The following PARD3B variants were observed in gnomAD, a reference collection of about 807,000 sequenced individuals.
PARD3B encodes partitioning defective 3 homolog B.
In PARD3B, 103 loss-of-function variants were observed where a neutral mutation model predicts 130.2. The observed-to-expected ratio is 0.79, with a 90% CI of 0.67 to 0.93. PARD3B has a LOEUF of 0.93. Among genes scored for constraint, PARD3B ranks in the 40% least tolerant of loss-of-function variants. PARD3B has a pLI of 0.00. For synonymous variants in PARD3B, 583 were observed against 553.2 expected (o/e 1.05, Z -0.76); for missense variants, 1,609 against 1,499.2 (o/e 1.07, Z -1.21).
chr2:205,480,920 G>A (rs750924295), intron 20 of PARD3B, among the ~76,000 whole-genome samples: 4 of 152,182 alleles, frequency 2.6e-5, no homozygotes, highest in Admixed American at 6.5e-5. Context: ...CCTTGAGAAC[G>A]TGGAGGCAGA....
intron 2 of PARD3B, among the ~76,000 whole-genome samples, chr2:204,688,307 C>T (rs765692323): frequency 6.6e-6 from 1 of 152,002 alleles, no homozygotes; most frequent in Non-Finnish European, 1.5e-5. Flanking sequence ...GTAAGTGGCA[C>T]GGTGGCTCAT....
chr2:204,959,623 T>C (rs1690572937), intron 2 of PARD3B, among the ~76,000 whole-genome samples: 1 of 152,208 alleles, frequency 6.6e-6, no homozygotes, highest in African/African-American at 2.4e-5. Flanking sequence ...TTTGTTGTTC[T>C]TGTTGACTTT....
In PARD3B at chr2:205,473,319, G is replaced by A. The variant is rs886570244; in HGVS notation, c.3045-26577G>A. Among the ~76,000 whole-genome samples the A allele has an allele frequency of 9.9e-5, 15 of 151,942 alleles. No homozygotes were observed. Among genetic ancestry groups the A allele is most frequent in the South Asian group, 6.2e-4 (3 of 4,816 alleles). On this transcript the variant is annotated intron_variant, in intron 20 of 22. Transcript: ENST00000406610. The surrounding 1 kb of genome is among the most constrained non-coding windows in gnomAD (Gnocchi z 4.9). ...ATCATAGGTTAATTTTTCATGGATC[G>A]TTATGAAAAATATAAACAAACTTAA...
In PARD3B at chr2:205,193,228, A is replaced by G. The variant is rs1450238699; in HGVS notation, c.2048A>G (p.Tyr683Cys). 2 of 1,612,088 alleles carry G rather than the reference A, an allele frequency of 1.2e-6. No homozygotes were observed. The highest frequency in any genetic ancestry group is 8.5e-7 in the Non-Finnish European group (1 of 1,178,208). ...SHSSGVDSAV[Y>C]FPDQHINFRS... ...AGCTCTGGGGTGGATTCAGCAGTATATTTTCCAGATCAGCACATCAACTTC... is the reference window on the plus strand; with the variant it reads ...AGCTCTGGGGTGGATTCAGCAGTATGTTTTCCAGATCAGCACATCAACTTC... The change falls in exon 15 of 23, where the codon TAT (tyrosine) becomes TGT (cysteine). Residue 683 changes from tyrosine (Y) to cysteine (C), a missense_variant. Transcript: ENST00000406610.
At chr2:205,132,726 C>T (rs530547362) in intron 10 of PARD3B, among the ~76,000 whole-genome samples, 2 of 152,284 alleles carry the variant, frequency 1.3e-5, no homozygotes, top group African/African-American at 4.8e-5. Context: ...TGAATCCCTG[C>T]TTTGCAATTT....
rs574375857 is a variant in PARD3B at position 205,005,205 on chromosome 2, C to T, written c.394+39882C>T. Among the ~76,000 whole-genome samples, 6 of 152,008 alleles carry T rather than the reference C, an allele frequency of 3.9e-5. No homozygotes were observed. The South Asian group carries it at 1.2e-3, about 32-fold the overall frequency. ...CATATACACACAGAGAGAAAGTATA[C>T]ACACATGTACACAAAAAGTATATAC... On this transcript the variant is annotated intron_variant, in intron 3 of 22. Coordinates refer to ENST00000406610, the MANE Select transcript of PARD3B (RefSeq NM_001302769.2).
intron 3 of PARD3B, among the ~76,000 whole-genome samples, chr2:205,000,500 TA>T (rs1468484952): frequency 6.6e-6 from 1 of 152,174 alleles, no homozygotes; most frequent in Non-Finnish European, 1.5e-5. Flanking sequence ...CACAGTCACA[TA>T]AAAAGCAATC....
rs1422191180 is a variant in PARD3B, at chr2:205,562,007, T to C, written c.3260+8604T>C. 6.6e-6 allele frequency among the ~76,000 whole-genome samples: 1 copy of C among 152,162 alleles called. No individual in the cohort carries two copies. Among genetic ancestry groups the C allele is most frequent in the African/African-American group, 2.4e-5 (1 of 41,436 alleles). ...CTCAGTCTTAAGGCCAAGGACAAAA[T>C]GATGAATTAGCAGCGATTTAATTCT... is the stretch of plus-strand genomic sequence containing the variant. On this transcript the variant is annotated intron_variant, in intron 22 of 22. Coordinates refer to ENST00000406610, the MANE Select transcript of PARD3B (RefSeq NM_001302769.2). This position sits in a 1 kb window ranked among gnomAD's most constrained non-coding sequence, Gnocchi z 5.4.
chr2:204,963,434 A>C (rs1478762238), intron 2 of PARD3B, among the ~76,000 whole-genome samples: 4 of 152,180 alleles, frequency 2.6e-5, no homozygotes, highest in Admixed American at 2.6e-4. Flanking sequence ...GAAGAGTAAG[A>C]TATAACTTAG....
At chr2:204,595,163 C>T (rs1559175094) in intron 1 of PARD3B, among the ~76,000 whole-genome samples, 1 of 152,182 alleles carries the variant, frequency 6.6e-6, no homozygotes. Context: ...TAGGAAATTT[C>T]ACTCAGAATG....
intron 2 of PARD3B, among the ~76,000 whole-genome samples, chr2:204,851,245 A>G (rs1208772322): frequency 6.6e-6 from 1 of 152,160 alleles, no homozygotes; most frequent in Non-Finnish European, 1.5e-5. Flanking sequence ...ATTGCTAAAC[A>G]AAAATAGAAA....
At chr2:205,135,487 T>C (rs2032403079) in intron 10 of PARD3B, among the ~76,000 whole-genome samples, 1 of 152,150 alleles carries the variant, frequency 6.6e-6, no homozygotes, top group South Asian at 2.1e-4. Flanking sequence ...GAGAGTATAG[T>C]TAGAAGTCTG....
chr2:205,173,476 C>T (rs1338959705), intron 12 of PARD3B, among the ~76,000 whole-genome samples: 2 of 152,050 alleles, frequency 1.3e-5, no homozygotes, highest in Non-Finnish European at 1.5e-5. Flanking sequence ...CCTTGGTTTC[C>T]GCATGTAGTA....
At position 205,140,248 on chromosome 2, in the gene PARD3B, T is replaced by C. The variant is rs559828731; in HGVS notation, c.1434+14511T>C. Among the ~76,000 whole-genome samples, 26 of 152,248 alleles carry C rather than the reference T, an allele frequency of 1.7e-4. No homozygotes were observed. The South Asian group carries it at 5.4e-3, about 32-fold the overall frequency. The stretch of plus-strand genomic sequence containing the variant: ...ATTTTGTTTTTCACTTCTCTTCTGG[T>C]ATATGAACAATAAGGATGTATAAGG... On this transcript the variant is annotated intron_variant, in intron 10 of 22. Coordinates refer to ENST00000406610, the MANE Select transcript of PARD3B (RefSeq NM_001302769.2).
intron 4 of PARD3B, among the ~76,000 whole-genome samples, chr2:205,075,870 A>G (rs1208421379): frequency 6.6e-6 from 1 of 152,152 alleles, no homozygotes; most frequent in African/African-American, 2.4e-5. Context: ...GGTAATGTTC[A>G]AACTGATAAA....
At chr2:204,772,983 G>A (rs1341296799) in intron 2 of PARD3B, among the ~76,000 whole-genome samples, 2 of 151,894 alleles carry the variant, frequency 1.3e-5, no homozygotes, top group Non-Finnish European at 2.9e-5. Context: ...TGAAGAAGTT[G>A]ATTTTATTGT....
At chr2:204,825,384 C>G (rs772015063) in intron 2 of PARD3B, among the ~76,000 whole-genome samples, 33 of 152,256 alleles carry the variant, frequency 2.2e-4, no homozygotes, top group Middle Eastern at 3.4e-3. Flanking sequence ...TGTTGCACAG[C>G]TTGGAGCAGT....
chr2:204,749,559 C>T (rs1049647488), intron 2 of PARD3B, among the ~76,000 whole-genome samples: 1 of 152,068 alleles, frequency 6.6e-6, no homozygotes, highest in Non-Finnish European at 1.5e-5. Context: ...CATAAAATAG[C>T]CTTTATCTTT....
chr2:205,262,946 A>C (rs1233900393), intron 16 of PARD3B, among the ~76,000 whole-genome samples: 2 of 152,134 alleles, frequency 1.3e-5, no homozygotes, highest in Non-Finnish European at 2.9e-5. Flanking sequence ...ATCAGCCGTC[A>C]GGGCTTCTTT....
Sources: gnomAD v4.1 joint callset for allele counts (sites outside exome capture counted in the v4.1 genomes callset) on GRCh38, gnomAD v4.1.1 for gene constraint, Gnocchi (gnomAD v3.1) non-coding constraint, MANE v1.5 for transcripts, NCBI Gene and HGNC (gene_info 2026-07-23, HGNC 2026-07-21) for gene names.